Variants in SLC1A2 observed in about 807,000 individuals in gnomAD.
SLC1A2 encodes excitatory amino acid transporter 2.
In SLC1A2, 15 loss-of-function variants were observed where a neutral mutation model predicts 48.8. The observed-to-expected ratio is 0.31, with a 90% CI of 0.21 to 0.47. The LOEUF is 0.47. SLC1A2 is among the 20% of genes least tolerant of loss of function. The pLI, the probability that SLC1A2 is intolerant of heterozygous loss-of-function variation, is 0.99. For missense variants in SLC1A2, 502 were observed against 730.5 expected, an observed-to-expected ratio of 0.69 and a Z score of 3.61; for synonymous variants, 279 against 272.6, an observed-to-expected ratio of 1.02 and a Z score of -0.23.
chr11:35,368,292 G>A (rs1853929890), intron 1 of SLC1A2, among the ~76,000 whole-genome samples: 1 of 152,196 alleles, frequency 6.6e-6, no homozygotes, highest in Non-Finnish European at 1.5e-5. Context: ...AGAATTTACA[G>A]CTTGTCAGCT....
At chr11:35,317,773 A>C (rs578090545) in intron 1 of SLC1A2, among the ~76,000 whole-genome samples, 1 of 152,332 alleles carries the variant, frequency 6.6e-6, no homozygotes, top group Admixed American at 6.5e-5. Context: ...CCCCGTGGTA[A>C]CTTGGGGAAG....
intron 1 of SLC1A2, among the ~76,000 whole-genome samples, chr11:35,347,691 C>T (rs1215778500): frequency 6.6e-6 from 1 of 152,178 alleles, no homozygotes; most frequent in African/African-American, 2.4e-5. Context: ...TACCTCGGTG[C>T]CAGGCCCTGA....
At chr11:35,265,041 C>T (rs7115510) in intron 10 of SLC1A2, 2,167 of 155,884 alleles carry the variant, frequency 0.014, 47 homozygotes, top group African/African-American at 0.048. Flanking sequence ...CTCTGCCTCC[C>T]GGGTTCACGC....
intron 1 of SLC1A2, among the ~76,000 whole-genome samples, chr11:35,368,185 A>G (rs1853925083): frequency 6.6e-6 from 1 of 152,212 alleles, no homozygotes; most frequent in African/African-American, 2.4e-5. Flanking sequence ...CCCTAAAATC[A>G]TCTTTCAATT....
chr11:35,406,542 T>C (rs1235031277), intron 1 of SLC1A2, among the ~76,000 whole-genome samples: 6 of 151,910 alleles, frequency 3.9e-5, no homozygotes, highest in Non-Finnish European at 8.8e-5. Context: ...GGGTAGAAAG[T>C]GGTTCTGGAA....
At chr11:35,279,886 G>A (rs976374025) in intron 9 of SLC1A2, among the ~76,000 whole-genome samples, 8 of 152,176 alleles carry the variant, frequency 5.3e-5, no homozygotes, top group South Asian at 4.1e-4. Context: ...GATATTCTCC[G>A]CTCTGTCCTT....
At chr11:35,272,935 T>C (rs1225016459) in intron 9 of SLC1A2, among the ~76,000 whole-genome samples, 1 of 152,142 alleles carries the variant, frequency 6.6e-6, no homozygotes, top group Non-Finnish European at 1.5e-5. Context: ...AGTACCAAGG[T>C]ACTCTCTCTC....
At chr11:35,265,847 G>T in intron 9 of SLC1A2, 89 bp from the exon 10 acceptor site, 3 of 759,938 alleles carry the variant, frequency 3.9e-6, no homozygotes, top group African/African-American at 1.7e-5. Flanking sequence ...GAGACATAGG[G>T]TTGAGTACTG....
At chr11:35,325,062 G>A (rs191565062) in intron 1 of SLC1A2, among the ~76,000 whole-genome samples, 2 of 152,184 alleles carry the variant, frequency 1.3e-5, no homozygotes, top group South Asian at 2.1e-4. Flanking sequence ...GGAACAAGAC[G>A]AAAATACATT....
At chr11:35,374,479 C>T (rs560171020) in intron 1 of SLC1A2, 53 of 306,038 alleles carry the variant, frequency 1.7e-4, no homozygotes, top group Middle Eastern at 1.1e-3. Context: ...ATTTAAAGAA[C>T]GAGTGTCCAA....
intron 1 of SLC1A2, among the ~76,000 whole-genome samples, chr11:35,414,321 T>C (rs550813212): frequency 6.6e-6 from 1 of 152,230 alleles, no homozygotes. Context: ...CCTTTAATAC[T>C]GCGGGCCCAT....
At chr11:35,303,700 T>C (rs981798213) in intron 5 of SLC1A2, among the ~76,000 whole-genome samples, 3 of 152,214 alleles carry the variant, frequency 2.0e-5, no homozygotes, top group African/African-American at 7.2e-5. Context: ...AAACTGGCCA[T>C]ATCTATGAGA....
intron 7 of SLC1A2, among the ~76,000 whole-genome samples, chr11:35,289,356 C>T (rs1204332664): frequency 6.6e-6 from 1 of 151,628 alleles, no homozygotes; most frequent in Non-Finnish European, 1.5e-5. Context: ...AGTTAATTCT[C>T]GGTACATGAC....
intron 9 of SLC1A2, among the ~76,000 whole-genome samples, chr11:35,276,749 C>T (rs1266876657): frequency 6.6e-6 from 1 of 152,170 alleles, no homozygotes; most frequent in Admixed American, 6.5e-5. Flanking sequence ...GTGGCCAAGA[C>T]CTTGATTGTA....
chr11:35,341,212 G>A (rs533129501), intron 1 of SLC1A2, among the ~76,000 whole-genome samples: 3 of 152,262 alleles, frequency 2.0e-5, no homozygotes, highest in African/African-American at 7.2e-5. Flanking sequence ...GCCTCCTAGG[G>A]AGGTCCCAGG....
rs1372626220 is a variant in SLC1A2 at position 35,365,487 on chromosome 11, C to T, written c.18-47971G>A. On this transcript the variant is annotated intron_variant, in intron 1 of 10. Transcript: ENST00000278379. ...TAAAATCTGCTCCTAGGAACCCAAA[C>T]CAACACAGAACCAAAGTAACACATG... is the stretch of plus-strand genomic sequence containing the variant. Among the ~76,000 whole-genome samples, 3 of 152,104 alleles carry T rather than the reference C, an allele frequency of 2.0e-5. 1 individual carries two copies. The South Asian group carries it at 6.2e-4, about 32-fold the overall frequency.
At chr11:35,416,642 G>T (rs1346851052) in intron 1 of SLC1A2, among the ~76,000 whole-genome samples, 1 of 152,158 alleles carries the variant, frequency 6.6e-6, no homozygotes, top group Non-Finnish European at 1.5e-5. Context: ...ATCAAACAAA[G>T]TTGAACTGAA....
chr11:35,325,225 C>T (rs1228286617), intron 1 of SLC1A2, among the ~76,000 whole-genome samples: 1 of 152,316 alleles, frequency 6.6e-6, no homozygotes, highest in East Asian at 1.9e-4. Context: ...CTCTACCCAC[C>T]CTCCAACCCA....
chr11:35,376,469 TG>T (rs1193388175), intron 1 of SLC1A2, among the ~76,000 whole-genome samples: 1 of 152,226 alleles, frequency 6.6e-6, no homozygotes, highest in East Asian at 1.9e-4. Context: ...GGGAGGAGAA[TG>T]TGGGAACTCT....
Sources: gnomAD v4.1 joint callset for allele counts (sites outside exome capture counted in the v4.1 genomes callset) on GRCh38, gnomAD v4.1.1 for gene constraint, MANE v1.5 for transcripts, NCBI Gene and HGNC (gene_info 2026-07-23, HGNC 2026-07-21) for gene names.